Variants in PXT1 observed in about 807,000 individuals in gnomAD.
The protein encoded by PXT1 is peroxisomal testis-specific protein 1.
A neutral mutation model predicts 11.0 loss-of-function variants in PXT1; 11 were observed. The observed-to-expected ratio is 1.00, with a 90% CI of 0.63 to 1.66. The LOEUF (loss-of-function observed/expected upper bound fraction) is 1.66. PXT1 is among the 40% of genes most tolerant of loss of function. PXT1 has a pLI of 0.00. For synonymous variants in PXT1, 43 were observed against 51.4 expected (o/e 0.84, Z 0.70); for missense variants, 141 against 155.5 (o/e 0.91, Z 0.49).
chr6:36,413,297 G>T (rs1235505698), intron 3 of PXT1, among the ~76,000 whole-genome samples: 6 of 152,064 alleles, frequency 3.9e-5, no homozygotes, highest in African/African-American at 1.2e-4. Flanking sequence ...GACGCCTGTA[G>T]TCCCAGCTAC....
At position 36,390,646 on chromosome 6, in the gene PXT1, T is replaced by G. The variant is rs1227714075; in HGVS notation, c.*1124A>C. ...AGAACTCAAGATACATATGTAAACTTTTAATTTATAACAACAAGCTTTCCT... is the reference window on the plus strand; with the variant it reads ...AGAACTCAAGATACATATGTAAACTGTTAATTTATAACAACAAGCTTTCCT... On this transcript the variant is annotated 3_prime_UTR_variant, in exon 5 of 5. Transcript: ENST00000454782. 1 of 152,208 alleles carries G rather than the reference T, an allele frequency of 6.6e-6. No individual in the cohort carries two copies. The highest frequency in any genetic ancestry group is 1.5e-5 in the Non-Finnish European group (1 of 68,044). 9.4% of individuals were successfully genotyped at this position (152,208 alleles called of 1,614,324 possible). A position where few individuals can be genotyped will look rare whatever the true frequency, so the allele number is the denominator to read the frequency against.
Position 36,391,558 on chromosome 6 carries a change from T to G in PXT1, c.*212A>C. ...AATTACTCCTTGGGCTTTACCGTGA[T>G]GTGATCGCAGACATCTCATAGCTAG... On this transcript the variant is annotated 3_prime_UTR_variant, in exon 5 of 5. Transcript: ENST00000454782. 3.5e-6 allele frequency: 2 copies of G among 569,534 alleles called. No individual in the cohort carries two copies. The highest frequency in any genetic ancestry group is 6.2e-6 in the Non-Finnish European group (2 of 321,022). 35.3% of individuals were successfully genotyped at this position (569,534 alleles called of 1,614,324 possible).
At chr6:36,401,009 T>C (rs1173786823) in intron 3 of PXT1, among the ~76,000 whole-genome samples, 1 of 151,980 alleles carries the variant, frequency 6.6e-6, no homozygotes, top group Non-Finnish European at 1.5e-5. Flanking sequence ...TTATAATAAT[T>C]ATCAAAAAGC....
intron 1 of PXT1, among the ~76,000 whole-genome samples, chr6:36,441,540 A>T (rs1774864643): frequency 6.6e-6 from 1 of 152,152 alleles, no homozygotes; most frequent in African/African-American, 2.4e-5. Context: ...AGGATTCTCC[A>T]ATCTAGCTCT....
At chr6:36,432,418 A>C (rs115785193) in intron 2 of PXT1, among the ~76,000 whole-genome samples, 2,003 of 152,302 alleles carry the variant, frequency 0.013, 40 homozygotes, top group African/African-American at 0.044. Context: ...AGAAACACTC[A>C]TTTCATTTTT....
At chr6:36,394,290 A>G (rs1179707274) in intron 4 of PXT1, among the ~76,000 whole-genome samples, 2 of 152,236 alleles carry the variant, frequency 1.3e-5, no homozygotes, top group Non-Finnish European at 2.9e-5. Context: ...TACCTATGAC[A>G]GTAATTCATA....
intron 3 of PXT1, among the ~76,000 whole-genome samples, chr6:36,425,613 C>A (rs1230896736): frequency 1.3e-5 from 2 of 151,576 alleles, no homozygotes; most frequent in Non-Finnish European, 2.9e-5. Flanking sequence ...GGTGAAACCC[C>A]CTCTCTACTA....
intron 2 of PXT1, among the ~76,000 whole-genome samples, chr6:36,427,242 C>T (rs1774621980): frequency 6.6e-6 from 1 of 152,084 alleles, no homozygotes; most frequent in South Asian, 2.1e-4. Context: ...ACCTCGTGAT[C>T]TGCCCTCCTC....
chr6:36,412,476 A>G (rs940404185), intron 3 of PXT1, among the ~76,000 whole-genome samples: 2 of 152,086 alleles, frequency 1.3e-5, no homozygotes, highest in African/African-American at 2.4e-5. Context: ...CCTGGCCAAC[A>G]TGGTGAAACC....
At chr6:36,436,844 A>C (rs1260266734) in intron 2 of PXT1, among the ~76,000 whole-genome samples, 1 of 152,254 alleles carries the variant, frequency 6.6e-6, no homozygotes, top group Non-Finnish European at 1.5e-5. Flanking sequence ...TCAGGCATCA[A>C]ACTAGATGCA....
At chr6:36,398,969 A>C (rs1582247339) in intron 4 of PXT1, among the ~76,000 whole-genome samples, 1 of 152,132 alleles carries the variant, frequency 6.6e-6, no homozygotes, top group South Asian at 2.1e-4. Context: ...CCTGCTGCTC[A>C]CTGCTGTAGC....
intron 3 of PXT1, among the ~76,000 whole-genome samples, chr6:36,400,837 A>G (rs1299219580): frequency 1.3e-5 from 2 of 152,052 alleles, no homozygotes. Context: ...GGATGTGGTG[A>G]CGGGTGCCTG....
At chr6:36,437,597 T>C (rs1361762678) in intron 2 of PXT1, among the ~76,000 whole-genome samples, 1 of 149,182 alleles carries the variant, frequency 6.7e-6, no homozygotes, top group Non-Finnish European at 1.5e-5. Context: ...CACTGCAATC[T>C]CTGCCTCCTG....
chr6:36,424,341 A>G (rs1774570101), intron 3 of PXT1, among the ~76,000 whole-genome samples: 1 of 152,220 alleles, frequency 6.6e-6, no homozygotes. Flanking sequence ...TGACAACGGA[A>G]TTAACAAATG....
At chr6:36,441,410 A>G (rs1351830336) in intron 1 of PXT1, among the ~76,000 whole-genome samples, 1 of 152,210 alleles carries the variant, frequency 6.6e-6, no homozygotes, top group Non-Finnish European at 1.5e-5. Flanking sequence ...ACAGGAATTT[A>G]TATCTCACAG....
At chr6:36,437,731 T>TG (rs1774787337) in intron 2 of PXT1, among the ~76,000 whole-genome samples, 2 of 151,544 alleles carry the variant, frequency 1.3e-5, no homozygotes, top group South Asian at 2.1e-4. Context: ...TTAGCCAGGA[T>TG]GGTCTCGATC....
intron 3 of PXT1, among the ~76,000 whole-genome samples, chr6:36,401,974 G>A (rs546837463): frequency 2.0e-4 from 29 of 145,724 alleles, no homozygotes; most frequent in African/African-American, 7.2e-4. Context: ...ATATATATAT[G>A]TATATATATA....
intron 3 of PXT1, among the ~76,000 whole-genome samples, chr6:36,407,287 G>A (rs929334916): frequency 1.3e-5 from 2 of 152,154 alleles, no homozygotes; most frequent in African/African-American, 4.8e-5. Context: ...CCACCATATT[G>A]TAAGAAACAT....
At position 36,426,004 on chromosome 6, in the gene PXT1, T is replaced by C; in HGVS notation, c.79A>G (p.Lys27Glu). 1.3e-6 allele frequency: 2 copies of C among 1,531,468 alleles called. No homozygotes were observed. The highest frequency in any genetic ancestry group is 1.7e-6 in the Non-Finnish European group (2 of 1,143,476). The allele number at this position is 1,531,468 out of a possible 1,614,324, so 94.9% of individuals were successfully genotyped here. Residue 27 changes from lysine (K) to glutamate (E), a missense_variant, in exon 3 of 5, where the codon AAA becomes GAA. Physicochemically the swap from Lys to Glu is moderately conservative, Grantham distance 56. Coordinates refer to ENST00000454782, the MANE Select transcript of PXT1 (RefSeq NM_152990.4). ...AAACTGTATTTTAACCACAGTGATT[T>C]GCAACAATGTGTTACTTTGGGAGAT... The part of the protein sequence containing the change: ...NPSPKVTHCC[K>E]SLWLKYSFQK...
Sources: gnomAD v4.1 joint callset for allele counts (sites outside exome capture counted in the v4.1 genomes callset) on GRCh38, gnomAD v4.1.1 for gene constraint, MANE v1.5 for transcripts, NCBI Gene and HGNC (gene_info 2026-07-23, HGNC 2026-07-21) for gene names.